HHIPL2: variants seen among roughly 807,000 people sequenced by gnomAD.
HHIPL2 encodes HHIP-like protein 2.
Under a neutral mutation model 61.0 loss-of-function variants are expected in HHIPL2, and 61 were observed. The ratio of observed to expected loss-of-function variants is 1.00; its 90% CI spans 0.81 to 1.24. The LOEUF (loss-of-function observed/expected upper bound fraction) is 1.24. Ranked by LOEUF, HHIPL2 falls within the 50% of genes most tolerant of loss-of-function variation. HHIPL2 has a pLI of 0.00. For missense variants in HHIPL2, 885 were observed against 910.2 expected (o/e 0.97, Z 0.36); for synonymous variants, 343 against 357.4 (o/e 0.96, Z 0.45).
At chr1:222,525,481 C>T (rs796340098) in intron 7 of HHIPL2, among the ~76,000 whole-genome samples, 56 of 152,234 alleles carry the variant, frequency 3.7e-4, no homozygotes, top group African/African-American at 1.3e-3. Context: ...CAGGAACTTC[C>T]GAGAACACAC....
chr1:222,534,887 G>A (rs1350979606), intron 5 of HHIPL2, among the ~76,000 whole-genome samples: 2 of 152,110 alleles, frequency 1.3e-5, no homozygotes, highest in East Asian at 3.8e-4. Flanking sequence ...GAGAGAAGGA[G>A]TGGGGACAGA....
At chr1:222,538,866 A>C in intron 4 of HHIPL2, 92 bp from the exon 5 acceptor site, 1 of 1,355,624 alleles carries the variant, frequency 7.4e-7, no homozygotes, top group Non-Finnish European at 1.0e-6. Flanking sequence ...CAGTTGCCTA[A>C]TTCAGTAAAG....
chr1:222,545,101 G>A lies in HHIPL2; in HGVS notation c.322-912C>T, dbSNP rs557488267. ...GGAAAATAGAATATTGTGAGCAGAC[G>A]AGCGACTCCCAGTAGTGATGAAAGA... On this transcript the variant is annotated intron_variant, in intron 1 of 8. Coordinates refer to ENST00000343410, the MANE Select transcript of HHIPL2 (RefSeq NM_024746.4). 5.9e-5 allele frequency among the ~76,000 whole-genome samples: 9 copies of A among 152,272 alleles called. 1 individual carries two copies. The South Asian group carries it at 1.2e-3, about 21-fold the overall frequency.
chr1:222,533,225 C>T (rs935100062), intron 5 of HHIPL2, among the ~76,000 whole-genome samples: 51 of 151,800 alleles, frequency 3.4e-4, no homozygotes, highest in African/African-American at 1.2e-3. Flanking sequence ...ATTAGCTGGG[C>T]GTGGTGTTGT....
chr1:222,547,811 G>T lies in HHIPL2; in HGVS notation c.234C>A (p.Ile78=), dbSNP rs763471081. ...GCCDQHKDRR[I]AARYWDIMEY... is the part of the protein sequence containing the mutation. Reference sequence around the variant, plus strand: ...CCATGATGTCCCAGTACCGGGCAGCGATGCGGCGGTCCTTGTGCTGATCAC... The same window carrying T: ...CCATGATGTCCCAGTACCGGGCAGCTATGCGGCGGTCCTTGTGCTGATCAC... Residue 78 remains isoleucine, a synonymous_variant, in exon 1 of 9, where the codon ATC becomes ATA. Coordinates refer to ENST00000343410, the MANE Select transcript of HHIPL2 (RefSeq NM_024746.4). The T allele has an allele frequency of 1.9e-6, 3 of 1,614,022 alleles. No individual in the cohort carries two copies. Among genetic ancestry groups the T allele is most frequent in the Admixed American group, 1.7e-5 (1 of 60,004 alleles).
chr1:222,532,824 A>G (rs1048520913), intron 5 of HHIPL2, among the ~76,000 whole-genome samples: 1 of 147,608 alleles, frequency 6.8e-6, no homozygotes, highest in African/African-American at 2.6e-5. Context: ...AGATCTCACC[A>G]ATGTGTGTGG....
intron 7 of HHIPL2, among the ~76,000 whole-genome samples, chr1:222,526,705 CAAAAAAAAA>C (rs1187186640): frequency 1.1e-4 from 6 of 54,282 alleles, no homozygotes; most frequent in Admixed American, 8.3e-4. Context: ...AACTCCATCT[CAAAAAAAAA>C]AAAAAAAAAA....
At chr1:222,536,874 A>C (rs1248463954) in intron 5 of HHIPL2, among the ~76,000 whole-genome samples, 2 of 150,896 alleles carry the variant, frequency 1.3e-5, no homozygotes, top group African/African-American at 2.4e-5. Context: ...ACATAGTAAG[A>C]CTCCATCTCT....
chr1:222,543,278 C>CTGCTGGTCCTTACTTACCCTTTGTAAA (rs1659473892), intron 2 of HHIPL2, among the ~76,000 whole-genome samples: 1 of 152,212 alleles, frequency 6.6e-6, no homozygotes, highest in Non-Finnish European at 1.5e-5. Context: ...ACCCCTATGG[C>CTGCTGGTCCTTACTTACCCTTTGTAAA]TGCTGGTCCT....
chr1:222,540,038 G>A lies in HHIPL2; in HGVS notation c.1422C>T (p.Asp474=). Residue 474 remains aspartate (D), a synonymous_variant, in exon 4 of 9, where the codon GAC becomes GAT. Coordinates refer to ENST00000343410, the MANE Select transcript of HHIPL2 (RefSeq NM_024746.4). ...AAGAGGCATTGTGACAAAGTTTTTT[G>A]TCATAACATGCAAACCCTTCCTTTG... ...WRAKEGFACY[D]KKLCHNASLD... 1 of 1,613,884 alleles carries A rather than the reference G, an allele frequency of 6.2e-7. No individual in the cohort carries two copies. Among genetic ancestry groups the A allele is most frequent in the African/African-American group, 1.3e-5 (1 of 75,024 alleles).
chr1:222,547,297 A>T (rs969216916), intron 1 of HHIPL2, among the ~76,000 whole-genome samples: 18 of 152,278 alleles, frequency 1.2e-4, no homozygotes, highest in Admixed American at 1.2e-3. Flanking sequence ...CCAGATGAAA[A>T]GGACTGGACC....
At chr1:222,533,202 C>T (rs1025083311) in intron 5 of HHIPL2, among the ~76,000 whole-genome samples, 3 of 151,646 alleles carry the variant, frequency 2.0e-5, no homozygotes, top group Admixed American at 2.0e-4. Flanking sequence ...CCATCTCTAC[C>T]GAAAATACAA....
rs986089910 is a variant in HHIPL2 at position 222,522,646 on chromosome 1, C to T, written c.2130G>A (p.Met710Ile). 6 of 1,614,050 alleles carry T rather than the reference C, an allele frequency of 3.7e-6. No homozygotes were observed. The African/African-American group carries it at 6.7e-5, about 18-fold the overall frequency. The change falls in exon 9 of 9, where the codon ATG becomes ATA. Residue 710 changes from methionine (M) to isoleucine (I), a missense_variant. Transcript: ENST00000343410. ...RKSLKSHSGR[M>I]RPSAEQKRAG... ...CTCGCTTCTGCTCTGCTGATGGCCTCATCCTGCCACTGTGGCTTTTCAGGC... is the reference window on the plus strand; with the variant it reads ...CTCGCTTCTGCTCTGCTGATGGCCTTATCCTGCCACTGTGGCTTTTCAGGC...
At chr1:222,523,248 T>G (rs1283645690) in intron 8 of HHIPL2, among the ~76,000 whole-genome samples, 1 of 152,202 alleles carries the variant, frequency 6.6e-6, no homozygotes, top group East Asian at 1.9e-4. Flanking sequence ...TCCCCACTCC[T>G]ATTTAACTCT....
At chr1:222,525,725 A>G (rs1464774488) in intron 7 of HHIPL2, among the ~76,000 whole-genome samples, 1 of 152,166 alleles carries the variant, frequency 6.6e-6, no homozygotes. Context: ...GGCAGGGTGC[A>G]TGGTGGCACA....
intron 5 of HHIPL2, among the ~76,000 whole-genome samples, chr1:222,533,230 T>C (rs111409470): frequency 0.035 from 5,296 of 151,332 alleles, 114 homozygotes; most frequent in Middle Eastern, 0.078. Flanking sequence ...CTGGGCGTGG[T>C]GTTGTGTGCC....
At chr1:222,525,536 C>T (rs1659044616) in intron 7 of HHIPL2, among the ~76,000 whole-genome samples, 1 of 152,074 alleles carries the variant, frequency 6.6e-6, no homozygotes, top group Non-Finnish European at 1.5e-5. Flanking sequence ...ATAGAGCTGG[C>T]CCCCCCAAGC....
intron 6 of HHIPL2, among the ~76,000 whole-genome samples, chr1:222,530,644 C>A (rs1192485369): frequency 6.6e-6 from 1 of 152,228 alleles, no homozygotes; most frequent in African/African-American, 2.4e-5. Flanking sequence ...GGTCCCAAGG[C>A]AGCCACCTCA....
chr1:222,535,249 A>C (rs1659278157), intron 5 of HHIPL2, among the ~76,000 whole-genome samples: 1 of 152,214 alleles, frequency 6.6e-6, no homozygotes, highest in South Asian at 2.1e-4. Flanking sequence ...TTCAAAAATG[A>C]AGGCAAAATA....
Sources: allele counts gnomAD v4.1 joint callset (sites outside exome capture counted in the v4.1 genomes callset), GRCh38; gene constraint gnomAD v4.1.1; transcripts MANE v1.5; gene names NCBI Gene and HGNC (gene_info 2026-07-23, HGNC 2026-07-21).